USP34: variants seen among roughly 807,000 people sequenced by gnomAD.
USP34 encodes the protein ubiquitin specific peptidase 34.
A neutral mutation model predicts 460.3 loss-of-function variants in USP34; 70 were observed. That is an observed-to-expected ratio of 0.15 (90% CI 0.13 to 0.19). USP34 has a LOEUF of 0.19. Among genes scored for constraint, USP34 ranks in the 10% least tolerant of loss-of-function variants. The probability of loss-of-function intolerance (pLI) is 1.00; values close to 1 mark genes in which losing one functional copy is unlikely to be tolerated. For synonymous variants in USP34, 1,647 were observed against 1,405.3 expected, an observed-to-expected ratio of 1.17 and a Z score of -3.85; for missense variants, 3,985 against 4,236.2, an observed-to-expected ratio of 0.94 and a Z score of 1.65.
Position 61,265,404 on chromosome 2 carries a change from G to C in USP34, c.5771C>G (p.Thr1924Ser), listed in dbSNP as rs373015954. 18 of 1,603,256 alleles carry C rather than the reference G, an allele frequency of 1.1e-5. No individual in the cohort carries two copies. Among genetic ancestry groups the C allele is most frequent in the Non-Finnish European group, 1.4e-5 (17 of 1,176,654 alleles). The change falls in exon 43 of 80, where the codon ACT (threonine) becomes AGT (serine). Residue 1924 changes from threonine to serine, a missense_variant. Thr to Ser is a moderately conservative substitution (Grantham distance 58, BLOSUM62 1). This residue lies in a region of USP34 where 145 missense variants were observed against 291.6 expected (regional missense o/e 0.50). Coordinates refer to ENST00000398571, the MANE Select transcript of USP34 (RefSeq NM_014709.4). ...AAGTGAGGAAAATTCTACCTTGGCA[G>C]TGAAGACAGCCTGTCTTGCCTCAGG... ...MIPEARQAVF[T>S]AKYSEDMKHK...
chr2:61,293,119 CAA>C (rs1041149169), intron 33 of USP34, among the ~76,000 whole-genome samples: 3 of 151,502 alleles, frequency 2.0e-5, no homozygotes, highest in African/African-American at 7.3e-5. Flanking sequence ...CAAAATAAAA[CAA>C]AAAAAGTTTT....
intron 41 of USP34, chr2:61,277,873 C>A (rs1689417677): frequency 6.7e-6 from 2 of 297,616 alleles, no homozygotes; most frequent in African/African-American, 4.4e-5. Flanking sequence ...CTCTTGAGAT[C>A]TGATGGTTTT....
intron 2 of USP34, among the ~76,000 whole-genome samples, chr2:61,414,312 C>T (rs1478816268): frequency 6.6e-6 from 1 of 150,616 alleles, no homozygotes; most frequent in Non-Finnish European, 1.5e-5. Flanking sequence ...ACAAAAATAA[C>T]AAGGGCTACT....
At chr2:61,358,100 G>A (rs1360854003) in intron 10 of USP34, among the ~76,000 whole-genome samples, 1 of 152,122 alleles carries the variant, frequency 6.6e-6, no homozygotes, top group African/African-American at 2.4e-5. Flanking sequence ...GCTGAGACAG[G>A]AGAATCACTT....
In USP34 at chr2:61,350,710, G is replaced by A. The variant is rs1691918883; in HGVS notation, c.1252-17C>T. 1 of 1,603,124 alleles carries A rather than the reference G, an allele frequency of 6.2e-7. No individual in the cohort carries two copies. Among genetic ancestry groups the A allele is most frequent in the Non-Finnish European group, 8.5e-7 (1 of 1,176,778 alleles). On this transcript the variant is annotated splice_polypyrimidine_tract_variant and intron_variant, in intron 10 of 79. Coordinates refer to ENST00000398571, the MANE Select transcript of USP34 (RefSeq NM_014709.4). ...ATGTTTCAACTAGAAAATCAAGTTA[G>A]AGAGAATGGTCAAAAATAATTGCCC...
At chr2:61,320,989 G>C (rs768557166) in intron 21 of USP34, among the ~76,000 whole-genome samples, 2 of 151,986 alleles carry the variant, frequency 1.3e-5, no homozygotes, top group African/African-American at 2.4e-5. Context: ...CATCCTGTGC[G>C]ACAAGAGCAA....
At position 61,317,692 on chromosome 2, in the gene USP34, A is replaced by G; in HGVS notation, c.3244T>C (p.Leu1082=). ...LFQHLCNLAR[L]ATSAYDGCSN... ...CAACCATCATAGGCACTGGTAGCCA[A>G]TCGAGCCAAGTTACAGAGATGCTGA... The change falls in exon 23 of 80, where the codon TTG becomes CTG. Residue 1082 remains leucine (L), a synonymous_variant. Transcript: ENST00000398571. 6.2e-7 allele frequency: 1 copy of G among 1,614,164 alleles called. No individual in the cohort carries two copies. The highest frequency in any genetic ancestry group is 8.5e-7 in the Non-Finnish European group (1 of 1,180,010).
At position 61,268,968 on chromosome 2, in the gene USP34, T is replaced by C. The variant is rs113395690; in HGVS notation, c.5434-2801A>G. 1.5e-3 allele frequency among the ~76,000 whole-genome samples: 234 copies of C among 151,760 alleles called. 2 individuals carry two copies. The highest frequency in any genetic ancestry group is 5.4e-3 in the African/African-American group (225 of 41,352). Reference sequence around the variant, plus strand: ...ATAAATGTAATGTAATAACTAAATATAGAAGAAATTTAAGACAATATCATG... The same window carrying C: ...ATAAATGTAATGTAATAACTAAATACAGAAGAAATTTAAGACAATATCATG... On this transcript the variant is annotated intron_variant, in intron 41 of 79. Transcript: ENST00000398571.
At chr2:61,278,857 C>T (rs1689452781) in intron 39 of USP34, among the ~76,000 whole-genome samples, 1 of 151,832 alleles carries the variant, frequency 6.6e-6, no homozygotes, top group African/African-American at 2.4e-5. Context: ...GTAATTCACA[C>T]ACAATTCACC....
chr2:61,423,580 T>G (rs1900572), intron 1 of USP34, among the ~76,000 whole-genome samples: 57,249 of 151,994 alleles, frequency 0.38, 10,816 homozygotes, highest in Admixed American at 0.41. Flanking sequence ...CCACATTCAC[T>G]GGTTGGAAGA....
chr2:61,203,902 AGAAGAAGTCATT>A (rs1276553755), intron 74 of USP34, among the ~76,000 whole-genome samples: 1 of 151,004 alleles, frequency 6.6e-6, no homozygotes, highest in Non-Finnish European at 1.5e-5. Context: ...TAAGGGAAGT[AGAAGAAGTCATT>A]GATTATATGG....
intron 1 of USP34, among the ~76,000 whole-genome samples, chr2:61,448,603 A>C (rs1227754390): frequency 6.6e-6 from 1 of 152,228 alleles, no homozygotes; most frequent in African/African-American, 2.4e-5. Flanking sequence ...TATGAAGTAA[A>C]AGTCATCCCA....
chr2:61,420,847 G>A lies in USP34; in HGVS notation c.44-14C>T. On this transcript the variant is annotated splice_polypyrimidine_tract_variant and intron_variant, in intron 1 of 79. Transcript: ENST00000398571. Reference sequence around the variant, plus strand: ...CTACATCTGATACTGAAATAAAAAAGAAATTTTAAAATTATGAATAATGCT... The same window carrying A: ...CTACATCTGATACTGAAATAAAAAAAAAATTTTAAAATTATGAATAATGCT... 6.3e-7 allele frequency: 1 copy of A among 1,591,140 alleles called. No individual in the cohort carries two copies. The highest frequency in any genetic ancestry group is 8.6e-7 in the Non-Finnish European group (1 of 1,166,970).
intron 1 of USP34, among the ~76,000 whole-genome samples, chr2:61,441,366 T>C (rs1277795596): frequency 6.6e-6 from 1 of 151,852 alleles, no homozygotes; most frequent in Non-Finnish European, 1.5e-5. Context: ...GCGCCCCACC[T>C]CCCAGCCCCT....
intron 41 of USP34, among the ~76,000 whole-genome samples, chr2:61,273,263 G>A (rs970634519): frequency 5.9e-5 from 9 of 152,100 alleles, no homozygotes; most frequent in South Asian, 2.1e-4. Context: ...CAGGCAAATT[G>A]AGTATCATAA....
chr2:61,228,398 T>C (rs1039105509), intron 61 of USP34, among the ~76,000 whole-genome samples: 1 of 152,224 alleles, frequency 6.6e-6, no homozygotes, highest in Admixed American at 6.5e-5. Flanking sequence ...AGGTGACCAC[T>C]TTGCCTAAGT....
intron 48 of USP34, 114 bp from the exon 49 acceptor site, chr2:61,248,797 T>C: frequency 1.0e-6 from 1 of 973,362 alleles, no homozygotes; most frequent in East Asian, 2.7e-5. Flanking sequence ...AGAAGTATAG[T>C]AGTTCCCCTT....
chr2:61,346,527 TAAAAAAAAAAAAAAAAA>T (rs926076478), intron 15 of USP34, among the ~76,000 whole-genome samples: 2 of 44,272 alleles, frequency 4.5e-5, no homozygotes, highest in South Asian at 9.2e-4. Flanking sequence ...CCCTATCTCT[TAAAAAAAAAAAAAAAAA>T]AAAAAAAAAG....
At chr2:61,354,274 A>T (rs1428251513) in intron 10 of USP34, among the ~76,000 whole-genome samples, 1 of 152,214 alleles carries the variant, frequency 6.6e-6, no homozygotes, top group African/African-American at 2.4e-5. Flanking sequence ...GTCACATATA[A>T]GAGATCCTCG....
Sources: gnomAD v4.1 joint callset for allele counts (sites outside exome capture counted in the v4.1 genomes callset) on GRCh38, gnomAD v4.1.1 for gene constraint, gnomAD v4.1.1 regional missense constraint, MANE v1.5 for transcripts, NCBI Gene and HGNC (gene_info 2026-07-23, HGNC 2026-07-21) for gene names.